POU2AF1: variants seen among roughly 807,000 people sequenced by gnomAD.
The protein encoded by POU2AF1 is POU class 2 homeobox associating factor 1, also known as POU domain class 2-associating factor 1.
Under a neutral mutation model 26.3 loss-of-function variants are expected in POU2AF1, and 12 were observed. That is an observed-to-expected ratio of 0.46 (90% CI 0.29 to 0.74). The LOEUF is 0.74. Ranked by LOEUF, POU2AF1 falls within the 30% of genes least tolerant of loss-of-function variation. POU2AF1 has a pLI of 0.09. For synonymous variants in POU2AF1, 175 were observed against 148.0 expected, an observed-to-expected ratio of 1.18 and a Z score of -1.32; for missense variants, 297 against 334.5, an observed-to-expected ratio of 0.89 and a Z score of 0.87.
intron 1 of POU2AF1, among the ~76,000 whole-genome samples, chr11:111,375,700 G>A (rs1861298866): frequency 6.6e-6 from 1 of 152,098 alleles, no homozygotes; most frequent in Admixed American, 6.5e-5. Flanking sequence ...CACCCGGCCT[G>A]ATACTGAGTA....
chr11:111,361,669 T>C (rs558878673), intron 1 of POU2AF1, among the ~76,000 whole-genome samples: 7 of 152,302 alleles, frequency 4.6e-5, no homozygotes, highest in African/African-American at 1.7e-4. Flanking sequence ...GGCTAACTTA[T>C]GGTAACACAT....
At chr11:111,368,728 C>T (rs1861152813) in intron 1 of POU2AF1, among the ~76,000 whole-genome samples, 1 of 152,218 alleles carries the variant, frequency 6.6e-6, no homozygotes, top group Non-Finnish European at 1.5e-5. Flanking sequence ...TGTTATGTTG[C>T]TTATCACCTG....
Position 111,363,780 on chromosome 11 carries a change from C to T in POU2AF1, c.17-4862G>A, listed in dbSNP as rs946829080. The T allele has an allele frequency of 1.9e-5, 18 of 970,682 alleles. No homozygotes were observed. The African/African-American group carries it at 2.5e-4, about 13-fold the overall frequency. The allele number at this position is 970,682 out of a possible 1,614,324, so 60.1% of individuals were successfully genotyped here. Reference sequence around the variant, plus strand: ...TTCTCCAGAGATTTTAATAAGCTCCCGATTAACTTGTAACTCCAAGTAGTT... The same window carrying T: ...TTCTCCAGAGATTTTAATAAGCTCCTGATTAACTTGTAACTCCAAGTAGTT... On this transcript the variant is annotated intron_variant, in intron 1 of 4. Transcript: ENST00000393067.
At chr11:111,379,137 T>C (rs1367371549) in intron 1 of POU2AF1, 25 bp downstream of exon 1, 1 of 1,613,854 alleles carries the variant, frequency 6.2e-7, no homozygotes, top group African/African-American at 1.3e-5. Context: ...CGCTTGGGTC[T>C]GACAGCCACA....
intron 2 of POU2AF1, among the ~76,000 whole-genome samples, chr11:111,358,469 T>TCTCACACACTCACAC (rs1565360945): frequency 2.4e-4 from 9 of 37,810 alleles, no homozygotes; most frequent in African/African-American, 6.1e-4. Flanking sequence ...CTCACACACA[T>TCTCACACACTCACAC]ACATTCTCAC....
rs535533779 is a variant in POU2AF1 at position 111,357,505 on chromosome 11, C to T, written c.396G>A (p.Thr132=). Residue 132 remains threonine (T), a synonymous_variant, in exon 4 of 5, where the codon ACG becomes ACA. Transcript: ENST00000393067. ...MYVQPVCPSY[T]VVGPSSVLTY... Reference sequence around the variant, plus strand: ...TCAACACTGAGGAGGGCCCCACCACCGTGTAGCTGGGGCACACGGGCTGCA... The same window carrying T: ...TCAACACTGAGGAGGGCCCCACCACTGTGTAGCTGGGGCACACGGGCTGCA... The T allele has an allele frequency of 1.1e-5, 18 of 1,614,156 alleles. No individual in the cohort carries two copies. The South Asian group carries it at 1.6e-4, about 15-fold the overall frequency.
At chr11:111,370,235 G>C (rs1157916666) in intron 1 of POU2AF1, among the ~76,000 whole-genome samples, 1 of 152,180 alleles carries the variant, frequency 6.6e-6, no homozygotes, top group African/African-American at 2.4e-5. Context: ...CATGATGCAA[G>C]GGATTCCTTT....
rs1457257739 is a variant in POU2AF1 at position 111,354,662 on chromosome 11, C to G, written c.457-87G>C. 16 of 1,157,950 alleles carry G rather than the reference C, an allele frequency of 1.4e-5. No homozygotes were observed. The East Asian group carries it at 3.9e-4, about 28-fold the overall frequency. The allele number at this position is 1,157,950 out of a possible 1,614,324, so 71.7% of individuals were successfully genotyped here. A position where few individuals can be genotyped will look rare whatever the true frequency, so the allele number is the denominator to read the frequency against. On this transcript the variant is annotated intron_variant, in intron 4 of 4. Coordinates refer to ENST00000393067, the MANE Select transcript of POU2AF1 (RefSeq NM_006235.3). ...TGCCCTTAGAGGGGTCTCCATCTCCCCCTTCAATTCTGCCCTTTCCTGGTT... is the reference window on the plus strand; with the variant it reads ...TGCCCTTAGAGGGGTCTCCATCTCCGCCTTCAATTCTGCCCTTTCCTGGTT...
chr11:111,365,552 G>T (rs547210242), intron 1 of POU2AF1, among the ~76,000 whole-genome samples: 1 of 152,132 alleles, frequency 6.6e-6, no homozygotes, highest in Non-Finnish European at 1.5e-5. Flanking sequence ...GAAGAAATAC[G>T]ATTTTCTCTT....
At chr11:111,370,361 G>T (rs993393829) in intron 1 of POU2AF1, among the ~76,000 whole-genome samples, 2 of 152,150 alleles carry the variant, frequency 1.3e-5, no homozygotes, top group Non-Finnish European at 2.9e-5. Flanking sequence ...CACAAAGACC[G>T]AACACATAGT....
chr11:111,367,592 A>AT lies in POU2AF1; in HGVS notation c.17-8675dup, dbSNP rs551248380. On this transcript the variant is annotated intron_variant, in intron 1 of 4. Transcript: ENST00000393067. ...CCTTGTCTCTGCCCGAGCAAGTCCC[A>AT]TTTTTTTCTCTGAGCGACACTGCAG... Among the ~76,000 whole-genome samples the AT allele has an allele frequency of 3.4e-5, 5 of 145,364 alleles. No individual in the cohort carries two copies. In the East Asian group the frequency reaches 9.8e-4, roughly 29 times the overall value.
At position 111,354,092 on chromosome 11, in the gene POU2AF1, G is replaced by A; in HGVS notation, c.*169C>T. 1.6e-6 allele frequency: 1 copy of A among 641,622 alleles called. No individual in the cohort carries two copies. Among genetic ancestry groups the A allele is most frequent in the South Asian group, 2.3e-5 (1 of 44,210 alleles). 39.7% of individuals were successfully genotyped at this position (641,622 alleles called of 1,614,324 possible). ...TGGGGGAGAGGGAGGAAGTGAGGGA[G>A]GGAGGGGAAGGAAGAAGGGAAGGAA... On this transcript the variant is annotated 3_prime_UTR_variant, in exon 5 of 5. Coordinates refer to ENST00000393067, the MANE Select transcript of POU2AF1 (RefSeq NM_006235.3).
chr11:111,377,012 T>G lies in POU2AF1; in HGVS notation c.16+2150A>C, dbSNP rs555672512. On this transcript the variant is annotated intron_variant, in intron 1 of 4. Coordinates refer to ENST00000393067, the MANE Select transcript of POU2AF1 (RefSeq NM_006235.3). Reference sequence around the variant, plus strand: ...CCATTGATGAGCTTACAATGTGGTCTCCCTTACAATGGAGTTTTGATCTAT... The same window carrying G: ...CCATTGATGAGCTTACAATGTGGTCGCCCTTACAATGGAGTTTTGATCTAT... 5.8e-4 allele frequency among the ~76,000 whole-genome samples: 88 copies of G among 152,202 alleles called. 1 individual carries two copies. The highest frequency in any genetic ancestry group is 2.0e-3 in the African/African-American group (85 of 41,532).
intron 4 of POU2AF1, 42 bp from the exon 5 acceptor site, chr11:111,354,617 G>A: frequency 6.8e-7 from 1 of 1,460,746 alleles, no homozygotes; most frequent in Non-Finnish European, 9.0e-7. Flanking sequence ...GCAGCCCCAG[G>A]AGACCCATCC....
chr11:111,355,721 G>A (rs976465351), intron 4 of POU2AF1, among the ~76,000 whole-genome samples: 2 of 152,166 alleles, frequency 1.3e-5, no homozygotes, highest in African/African-American at 4.8e-5. Flanking sequence ...GAGTAGCAAG[G>A]CTTTAGGGTG....
At chr11:111,361,943 T>C (rs1231915208) in intron 1 of POU2AF1, among the ~76,000 whole-genome samples, 1 of 152,106 alleles carries the variant, frequency 6.6e-6, no homozygotes, top group Non-Finnish European at 1.5e-5. Context: ...GACTTCTCAT[T>C]CCTTCAGCTA....
intron 1 of POU2AF1, among the ~76,000 whole-genome samples, chr11:111,362,715 C>T (rs956005911): frequency 3.3e-5 from 5 of 152,170 alleles, no homozygotes; most frequent in Non-Finnish European, 7.3e-5. Flanking sequence ...GCATAAAGTA[C>T]AGTCTGAGGC....
chr11:111,354,849 A>C (rs1235729068), intron 4 of POU2AF1, among the ~76,000 whole-genome samples: 2 of 152,224 alleles, frequency 1.3e-5, no homozygotes, highest in East Asian at 3.8e-4. Context: ...TACGAAATAG[A>C]ATACAAACAG....
chr11:111,374,891 A>G (rs1861279113), intron 1 of POU2AF1, among the ~76,000 whole-genome samples: 1 of 152,232 alleles, frequency 6.6e-6, no homozygotes, highest in Non-Finnish European at 1.5e-5. Context: ...CATAGTACAC[A>G]TTTTACTTAT....
Sources: allele counts gnomAD v4.1 joint callset (sites outside exome capture counted in the v4.1 genomes callset), GRCh38; gene constraint gnomAD v4.1.1; transcripts MANE v1.5; gene names NCBI Gene and HGNC (gene_info 2026-07-23, HGNC 2026-07-21).